The following SORD variants were observed in gnomAD, a reference collection of about 807,000 sequenced individuals.
SORD encodes (R,R)-butanediol dehydrogenase.
A neutral mutation model predicts 35.6 loss-of-function variants in SORD; 18 were observed. The ratio of observed to expected loss-of-function variants is 0.51; its 90% CI spans 0.35 to 0.75. The LOEUF is 0.75. Ranked by LOEUF, SORD falls within the 30% of genes least tolerant of loss-of-function variation. SORD has a pLI of 0.01. For missense variants in SORD, 250 were observed against 390.2 expected, an observed-to-expected ratio of 0.64 and a Z score of 3.03; for synonymous variants, 106 against 152.9, an observed-to-expected ratio of 0.69 and a Z score of 2.26.
intron 6 of SORD, among the ~76,000 whole-genome samples, chr15:45,068,457 GTGTGTGTC>G (rs1162670157): frequency 3.3e-5 from 5 of 150,948 alleles, no homozygotes; most frequent in African/African-American, 1.2e-4. Flanking sequence ...GAGTGTGTGT[GTGTGTGTC>G]TGTGTGTAGC....
chr15:45,046,921 G>A (rs555082070), intron 3 of SORD, among the ~76,000 whole-genome samples: 18 of 152,238 alleles, frequency 1.2e-4, no homozygotes, highest in Admixed American at 3.3e-4. Flanking sequence ...AGGAGGCTGA[G>A]GCAGGAGAAT....
At chr15:45,048,483 A>G (rs141122657) in intron 3 of SORD, among the ~76,000 whole-genome samples, 2,279 of 152,286 alleles carry the variant, frequency 0.015, 18 homozygotes, top group Middle Eastern at 0.031. Flanking sequence ...CCAAGGCAGG[A>G]GGATTGCTTG....
At chr15:45,066,731 C>A (rs1893412038) in intron 5 of SORD, among the ~76,000 whole-genome samples, 1 of 152,184 alleles carries the variant, frequency 6.6e-6, no homozygotes, top group Admixed American at 6.5e-5. Context: ...TTGTGATTTT[C>A]TTTGGCTGGC....
chr15:45,026,391 A>G (rs1298550355), intron 1 of SORD, among the ~76,000 whole-genome samples: 1 of 152,218 alleles, frequency 6.6e-6, no homozygotes, highest in Non-Finnish European at 1.5e-5. Context: ...TTTGGGGGGA[A>G]AAAAGCCTTG....
chr15:45,025,543 C>T (rs1458433340), intron 1 of SORD, among the ~76,000 whole-genome samples: 6 of 150,610 alleles, frequency 4.0e-5, no homozygotes, highest in African/African-American at 1.2e-4. Flanking sequence ...AGCTGAGAAT[C>T]GCTTGAGTCT....
intron 3 of SORD, among the ~76,000 whole-genome samples, chr15:45,059,950 T>G (rs1893276367): frequency 6.6e-6 from 1 of 152,128 alleles, no homozygotes; most frequent in African/African-American, 2.4e-5. Flanking sequence ...AGTCAAAACA[T>G]TGGTGTCCTC....
intron 4 of SORD, among the ~76,000 whole-genome samples, chr15:45,062,052 C>T (rs563139185): frequency 2.0e-4 from 30 of 151,978 alleles, no homozygotes; most frequent in South Asian, 2.1e-4. Flanking sequence ...TTCATTTAAT[C>T]GCCAAAATAT....
At chr15:45,023,428 A>G in intron 1 of SORD, 79 bp downstream of exon 1, 13 of 1,238,060 alleles carry the variant, frequency 1.1e-5, no homozygotes, top group Non-Finnish European at 1.3e-5. Context: ...CTGGCTTCCC[A>G]CTTCCAGCCT....
At chr15:45,068,837 T>G in intron 6 of SORD, 40 bp from the exon 7 acceptor site, 3 of 1,390,056 alleles carry the variant, frequency 2.2e-6, no homozygotes, top group Non-Finnish European at 2.8e-6. Flanking sequence ...AGATTTCTCT[T>G]GTTTGAAAGA....
intron 3 of SORD, chr15:45,047,053 C>A (rs577331132): frequency 6.6e-6 from 1 of 151,722 alleles, no homozygotes; most frequent in South Asian, 2.1e-4. Context: ...AACAGACATA[C>A]ATACATATAA....
chr15:45,067,208 A>G (rs1217125566), intron 5 of SORD, among the ~76,000 whole-genome samples: 1 of 152,106 alleles, frequency 6.6e-6, no homozygotes, highest in Non-Finnish European at 1.5e-5. Context: ...CTAAAAATAC[A>G]AAAATTAGCC....
chr15:45,028,470 G>T (rs1195411368), intron 1 of SORD, among the ~76,000 whole-genome samples: 1 of 152,004 alleles, frequency 6.6e-6, no homozygotes, highest in African/African-American at 2.4e-5. Context: ...CTTCCTTCAG[G>T]CAGGAGCATC....
chr15:45,045,769 C>T (rs111495348), intron 3 of SORD, among the ~76,000 whole-genome samples: 2,417 of 151,930 alleles, frequency 0.016, 18 homozygotes, highest in Middle Eastern at 0.031. Context: ...TTTGGGAGGC[C>T]GAGGCAGAAA....
intron 8 of SORD, among the ~76,000 whole-genome samples, chr15:45,073,005 A>G: frequency 7.4e-6 from 1 of 134,670 alleles, no homozygotes; most frequent in Non-Finnish European, 1.5e-5. Flanking sequence ...GTTTTCCAGT[A>G]AGCTGAGCTG....
chr15:45,056,693 G>C (rs1189385911), intron 3 of SORD, among the ~76,000 whole-genome samples: 1 of 152,246 alleles, frequency 6.6e-6, no homozygotes, highest in Non-Finnish European at 1.5e-5. Flanking sequence ...TTATGGGGAT[G>C]TGGAATTTTT....
chr15:45,050,248 AT>A (rs1254841128), intron 3 of SORD, among the ~76,000 whole-genome samples: 1 of 152,018 alleles, frequency 6.6e-6, no homozygotes, highest in Admixed American at 6.6e-5. Flanking sequence ...GCCCTGGCTA[AT>A]TTTTTGTATT....
intron 3 of SORD, among the ~76,000 whole-genome samples, chr15:45,051,648 G>A (rs948036294): frequency 6.8e-4 from 104 of 152,160 alleles, no homozygotes; most frequent in Non-Finnish European, 3.7e-4. Flanking sequence ...TGTCTTTAAT[G>A]TTACATGAAA....
intron 3 of SORD, among the ~76,000 whole-genome samples, chr15:45,051,047 A>G (rs1212429167): frequency 6.6e-6 from 1 of 152,242 alleles, no homozygotes; most frequent in Admixed American, 6.5e-5. Context: ...AGGTTATCAG[A>G]AACCTGCATT....
chr15:45,069,268 T>C (rs1200129511), intron 7 of SORD, among the ~76,000 whole-genome samples: 1 of 139,852 alleles, frequency 7.2e-6, no homozygotes, highest in Non-Finnish European at 1.5e-5. Context: ...GTGCCGTGGC[T>C]CGATCTCAGC....
Sources: allele counts gnomAD v4.1 joint callset (sites outside exome capture counted in the v4.1 genomes callset), GRCh38; gene constraint gnomAD v4.1.1; transcripts MANE v1.5; gene names NCBI Gene and HGNC (gene_info 2026-07-23, HGNC 2026-07-21).